CLEC20A: variants seen among roughly 807,000 people sequenced by gnomAD.
CLEC20A encodes putative C-type lectin domain family 20 member A.
exon 5 of CLEC20A, chr1:178,488,556 G>A: frequency 2.5e-6 from 1 of 398,886 alleles, no homozygotes; most frequent in Non-Finnish European, 4.4e-6. Context: ...AAGTGTGGAA[G>A]AGTGGAGGCA....
chr1:178,486,562 C>G, intron 5 of CLEC20A: 1 of 398,706 alleles, frequency 2.5e-6, no homozygotes, highest in Non-Finnish European at 4.4e-6. Context: ...GTCCGAGATG[C>G]TTTCTTTGGT....
chr1:178,490,236 C>T (rs1156726516), exon 4 of CLEC20A: 1 of 398,632 alleles, frequency 2.5e-6, no homozygotes, highest in Non-Finnish European at 4.4e-6. Context: ...GCTCAGAGAT[C>T]CGGAGTTTGC....
intron 4 of CLEC20A, among the ~76,000 whole-genome samples, chr1:178,489,862 A>T (rs547995130): frequency 6.6e-6 from 1 of 152,232 alleles, no homozygotes; most frequent in African/African-American, 2.4e-5. Flanking sequence ...TCCATTATTT[A>T]AAGATTCCCA....
intron 3 of CLEC20A, among the ~76,000 whole-genome samples, chr1:178,492,006 C>T (rs1048548809): frequency 3.9e-5 from 6 of 152,062 alleles, no homozygotes; most frequent in Non-Finnish European, 8.8e-5. Context: ...AGACAATGGC[C>T]GGCTCGGTGG....
intron 5 of CLEC20A, 89 bp downstream of exon 5, chr1:178,488,412 T>C (rs1483039193): frequency 7.5e-6 from 3 of 398,084 alleles, no homozygotes; most frequent in Non-Finnish European, 1.3e-5. Flanking sequence ...CTGGCCCTTC[T>C]AAGAGGGGCT....
intron 3 of CLEC20A, 98 bp from the exon 4 acceptor site, chr1:178,490,535 G>A (rs1010417267): frequency 3.8e-5 from 15 of 397,662 alleles, no homozygotes; most frequent in Admixed American, 2.2e-4. Context: ...GTCTGACATG[G>A]GCCCTTGTCC....
At chr1:178,485,166 C>T (rs562533093) in intron 5 of CLEC20A, among the ~76,000 whole-genome samples, 3 of 152,172 alleles carry the variant, frequency 2.0e-5, no homozygotes, top group South Asian at 2.1e-4. Context: ...GTATTATGTA[C>T]ATAACATTGA....
In CLEC20A at chr1:178,483,012, A is replaced by C. The variant is rs533094582; in HGVS notation, c.1036+163T>G. The C allele has an allele frequency of 7.6e-6, 3 of 393,658 alleles. No homozygotes were observed. The South Asian group carries it at 4.3e-4, about 56-fold the overall frequency. 24.4% of individuals were successfully genotyped at this position (393,658 alleles called of 1,614,324 possible). On this transcript the variant is annotated intron_variant, in intron 6 of 7. Transcript: ENST00000623247. ...TGTCCCCTAAGTTTTCATAATAGTC[A>C]TGGAGCATAAACTAGAATCCACCTC...
chr1:178,495,832 T>C (rs1442371961), intron 1 of CLEC20A: 3 of 152,314 alleles, frequency 2.0e-5, no homozygotes, highest in South Asian at 4.1e-4. Flanking sequence ...GTAAATGTGG[T>C]TGGTCCAGGG....
At chr1:178,496,781 C>T in intron 1 of CLEC20A, 119 bp downstream of exon 1, 1 of 398,520 alleles carries the variant, frequency 2.5e-6, no homozygotes, top group Non-Finnish European at 4.4e-6. Flanking sequence ...TCATTTCTTT[C>T]CACCTTGCCT....
Position 178,483,291 on chromosome 1 carries a change from G to A in CLEC20A, c.929-9C>T, listed in dbSNP as rs1379910421. The A allele has an allele frequency of 7.5e-6, 3 of 398,480 alleles. No homozygotes were observed. Among genetic ancestry groups the A allele is most frequent in the Non-Finnish European group, 8.8e-6 (2 of 226,070 alleles). The allele number at this position is 398,480 out of a possible 1,614,324, so 24.7% of individuals were successfully genotyped here. ...CCCTACACTGGCCACAGCTACAGGA[G>A]GGGAAAATAAAAGATTTATTGCAAA... is the stretch of plus-strand genomic sequence containing the variant. On this transcript the variant is annotated splice_polypyrimidine_tract_variant and intron_variant, in intron 5 of 7. Coordinates refer to ENST00000623247, the Ensembl canonical transcript of CLEC20A.
chr1:178,482,692 T>C (rs1215161847), intron 6 of CLEC20A: 1 of 257,700 alleles, frequency 3.9e-6, no homozygotes, highest in African/African-American at 2.2e-5. Context: ...TTACTTTTAA[T>C]CCAGTAAGTA....
chr1:178,482,727 A>T lies in CLEC20A; in HGVS notation c.1037-330T>A, dbSNP rs559828239. The stretch of plus-strand genomic sequence containing the variant: ...AGATACTCCACACCATGCCGGAAAT[A>T]CTCATCTCTCCTTGAGCTCCCCACC... On this transcript the variant is annotated intron_variant, in intron 6 of 7. Transcript: ENST00000623247. 185 of 227,566 alleles carry T rather than the reference A, an allele frequency of 8.1e-4. 1 individual carries two copies. The highest frequency in any genetic ancestry group is 4.0e-3 in the African/African-American group (179 of 44,596). The allele number at this position is 227,566 out of a possible 1,614,324, so 14.1% of individuals were successfully genotyped here.
chr1:178,482,638 AT>A (rs1649020647), intron 6 of CLEC20A: 3 of 356,976 alleles, frequency 8.4e-6, no homozygotes, highest in Non-Finnish European at 1.5e-5. Context: ...CTGGCTACCC[AT>A]CAGGCAATTA....
intron 1 of CLEC20A, 103 bp from the exon 2 acceptor site, chr1:178,494,913 G>A (rs1409346370): frequency 2.3e-5 from 9 of 397,900 alleles, no homozygotes; most frequent in African/African-American, 4.1e-5. Flanking sequence ...GCCTCTTCCC[G>A]CCCACTCTGC....
chr1:178,485,386 C>T (rs1361959556), intron 5 of CLEC20A, among the ~76,000 whole-genome samples: 1 of 152,150 alleles, frequency 6.6e-6, no homozygotes, highest in Non-Finnish European at 1.5e-5. Flanking sequence ...ACTATGTGGC[C>T]TACACCAGTC....
At chr1:178,488,213 T>C (rs896768757) in intron 5 of CLEC20A, among the ~76,000 whole-genome samples, 1 of 152,222 alleles carries the variant, frequency 6.6e-6, no homozygotes, top group Non-Finnish European at 1.5e-5. Flanking sequence ...GTACGGCCTC[T>C]CCTGGGTCTC....
chr1:178,482,324 T>G (rs1268362961), exon 7 of CLEC20A: 1 of 398,412 alleles, frequency 2.5e-6, no homozygotes, highest in Non-Finnish European at 4.4e-6. Flanking sequence ...GTCTCAGAAA[T>G]TGGTCTTTCA....
At chr1:178,487,066 G>A (rs894271235) in intron 5 of CLEC20A, 3 of 385,612 alleles carry the variant, frequency 7.8e-6, no homozygotes, top group African/African-American at 6.2e-5. Flanking sequence ...TAGGGCCAGA[G>A]AGAAGACTTC....
Sources: allele counts gnomAD v4.1 joint callset (sites outside exome capture counted in the v4.1 genomes callset), GRCh38; gene constraint gnomAD v4.1.1; transcripts MANE v1.5; gene names NCBI Gene and HGNC (gene_info 2026-07-23, HGNC 2026-07-21).